The following PAH variants were observed in gnomAD, a reference collection of about 807,000 sequenced individuals.
The protein encoded by PAH is phenylalanine hydroxylase.
Under a neutral mutation model 62.0 loss-of-function variants are expected in PAH, and 64 were observed. That is an observed-to-expected ratio of 1.03 (90% CI 0.84 to 1.27). The LOEUF (loss-of-function observed/expected upper bound fraction) is 1.27. PAH is among the 50% of genes most tolerant of loss of function. The pLI is 0.00. For missense variants in PAH, 579 were observed against 542.8 expected (o/e 1.07, Z -0.66); for synonymous variants, 195 against 196.2 (o/e 0.99, Z 0.05).
At position 102,913,758 on chromosome 12, in the gene PAH, G is replaced by A; in HGVS notation, c.61-860C>T. 3 of 696,986 alleles carry A rather than the reference G, an allele frequency of 4.3e-6. No homozygotes were observed. The South Asian group carries it at 4.6e-5, about 11-fold the overall frequency. 43.2% of individuals were successfully genotyped at this position (696,986 alleles called of 1,614,324 possible). A position where few individuals can be genotyped will look rare whatever the true frequency, so the allele number is the denominator to read the frequency against. On this transcript the variant is annotated intron_variant, in intron 1 of 12. Transcript: ENST00000553106. ...AATAACCTATCAGAAAATAAACTTA[G>A]TCTTAAACTAAATCTCAAAGAATGT...
At chr12:102,958,244 C>T (rs966995792) in exon 1 of PAH, 52 of 1,469,328 alleles carry the variant, frequency 3.5e-5, no homozygotes, top group Non-Finnish European at 4.5e-5. Context: ...CGCCGCTGCG[C>T]ATGGAAAGCT....
Position 102,901,100 on chromosome 12 carries a change from A to G in PAH, c.169-6182T>C, listed in dbSNP as rs148199447. Reference sequence around the variant, plus strand: ...CTATCCTTTAAGAAAGCCTTTCTAAAGGGGGATTGGTCACAAGTAAATAAA... The same window carrying G: ...CTATCCTTTAAGAAAGCCTTTCTAAGGGGGGATTGGTCACAAGTAAATAAA... On this transcript the variant is annotated intron_variant, in intron 2 of 12. Coordinates refer to ENST00000553106, the MANE Select transcript of PAH (RefSeq NM_000277.3). Among the ~76,000 whole-genome samples, 1,209 of 152,304 alleles carry G rather than the reference A, an allele frequency of 7.9e-3. 20 individuals are homozygous for G. The highest frequency in any genetic ancestry group is 0.028 in the African/African-American group (1,156 of 41,560).
At position 102,840,317 on chromosome 12, in the gene PAH, T is replaced by G. The variant is rs1037977048; in HGVS notation, c.1315+83A>C. ...TAATTAAATATTTCAATAAATTTAT[T>G]ATTTTTCCTATGGCGATGGTAGGGA... On this transcript the variant is annotated intron_variant, in intron 12 of 12. Transcript: ENST00000553106. 29 of 861,458 alleles carry G rather than the reference T, an allele frequency of 3.4e-5. No homozygotes were observed. In the Middle Eastern group the frequency reaches 9.3e-4, roughly 28 times the overall value. 53.4% of individuals were successfully genotyped at this position (861,458 alleles called of 1,614,324 possible).
intron 3 of PAH, among the ~76,000 whole-genome samples, chr12:102,891,581 C>T (rs935181270): frequency 4.6e-5 from 7 of 152,154 alleles, no homozygotes; most frequent in African/African-American, 1.7e-4. Context: ...TGCTCTGTTC[C>T]CAGTGCTTCA....
intron 3 of PAH, among the ~76,000 whole-genome samples, chr12:102,891,652 G>A (rs1404308647): frequency 1.3e-5 from 2 of 152,138 alleles, no homozygotes; most frequent in Non-Finnish European, 2.9e-5. Flanking sequence ...TTGATACAGT[G>A]GGAGACTGCA....
chr12:102,899,858 C>CAAAAAAAAAA (rs1166069532), intron 2 of PAH, among the ~76,000 whole-genome samples: 20 of 9,538 alleles, frequency 2.1e-3, no homozygotes, highest in African/African-American at 5.0e-3. Context: ...GACTCCGTCT[C>CAAAAAAAAAA]AAAAAAAAAA....
chr12:102,913,911 C>A lies in PAH; in HGVS notation c.61-1013G>T, dbSNP rs140872441. 212 of 694,860 alleles carry A rather than the reference C, an allele frequency of 3.1e-4. 1 individual carries two copies. Among genetic ancestry groups the A allele is most frequent in the African/African-American group, 2.7e-3 (154 of 57,010 alleles). The allele number at this position is 694,860 out of a possible 1,614,324, so 43.0% of individuals were successfully genotyped here. ...ATACATAAAATTCTATGTGTGTCCA[C>A]AATAAGCAGCAGGTACCTAAAACTG... On this transcript the variant is annotated intron_variant, in intron 1 of 12. Transcript: ENST00000553106.
intron 4 of PAH, among the ~76,000 whole-genome samples, chr12:102,874,667 C>T (rs1279002000): frequency 6.6e-6 from 1 of 151,974 alleles, no homozygotes; most frequent in African/African-American, 2.4e-5. Flanking sequence ...AAAAAGAAAG[C>T]AAGGTGGGAA....
intron 8 of PAH, among the ~76,000 whole-genome samples, chr12:102,850,687 A>C (rs1029774185): frequency 1.1e-4 from 17 of 152,174 alleles, no homozygotes; most frequent in Non-Finnish European, 1.9e-4. Context: ...GCCTAGGTAC[A>C]TCAGAACACC....
intron 5 of PAH, among the ~76,000 whole-genome samples, chr12:102,865,824 C>CGGTTAAACTTAGCTCT (rs1875931891): frequency 1.3e-5 from 2 of 152,332 alleles, no homozygotes; most frequent in Non-Finnish European, 2.9e-5. Context: ...TTCTCCATCT[C>CGGTTAAACTTAGCTCT]CCTGAGATTC....
chr12:102,958,352 AGCCGCGGCGGCCGCAGCCGCC>A (rs778842860), exon 1 of PAH: 10 of 1,430,720 alleles, frequency 7.0e-6, no homozygotes, highest in Admixed American at 8.8e-5. Flanking sequence ...CCACGGCCGC[AGCCGCGGCGGCCGCAGCCGCC>A]GCAGCGGCAG....
intron 1 of PAH, among the ~76,000 whole-genome samples, chr12:102,937,478 ATTAAT>A (rs1403207823): frequency 6.6e-6 from 1 of 152,174 alleles, no homozygotes; most frequent in Non-Finnish European, 1.5e-5. Context: ...CTTATAACCT[ATTAAT>A]TTAATCCGAT....
At chr12:102,952,625 G>A (rs140030189), upstream of PAH, among the ~76,000 whole-genome samples, 3 of 152,212 alleles carry the variant, frequency 2.0e-5, no homozygotes, top group Admixed American at 6.5e-5. Context: ...AAGACTTAGC[G>A]TTACTTCTCC....
chr12:102,932,821 A>G (rs1047906744), intron 1 of PAH, among the ~76,000 whole-genome samples: 1 of 152,094 alleles, frequency 6.6e-6, no homozygotes, highest in Non-Finnish European at 1.5e-5. Context: ...TTTAATTTTT[A>G]GTTGTTGTGA....
chr12:102,840,273 A>C (rs1592945277), intron 12 of PAH, 127 bp downstream of exon 12: 1 of 691,630 alleles, frequency 1.4e-6, no homozygotes, highest in East Asian at 2.8e-5. Flanking sequence ...CATGGCTTAC[A>C]TGGAGGTGCT....
intron 9 of PAH, among the ~76,000 whole-genome samples, chr12:102,845,160 G>A (rs1162029592): frequency 1.3e-5 from 2 of 152,206 alleles, no homozygotes; most frequent in Non-Finnish European, 2.9e-5. Context: ...CATGACCTGT[G>A]ATCACGTCTC....
intron 6 of PAH, 80 bp downstream of exon 6, chr12:102,855,056 A>G (rs1875346314): frequency 8.7e-7 from 1 of 1,145,592 alleles, no homozygotes; most frequent in African/African-American, 1.5e-5. Flanking sequence ...GCCTCCACAT[A>G]CTTGTCTTCC....
chr12:102,935,430 C>T (rs1879066801), intron 1 of PAH, among the ~76,000 whole-genome samples: 1 of 151,996 alleles, frequency 6.6e-6, no homozygotes, highest in Admixed American at 6.6e-5. Context: ...GAAAGTACTC[C>T]CTTCACTTCT....
intron 11 of PAH, among the ~76,000 whole-genome samples, chr12:102,842,562 G>T (rs1216859402): frequency 6.6e-6 from 1 of 152,094 alleles, no homozygotes; most frequent in Non-Finnish European, 1.5e-5. Context: ...GCAAATGTAA[G>T]GTAAGTGAAT....
Sources: gnomAD v4.1 joint callset for allele counts (sites outside exome capture counted in the v4.1 genomes callset) on GRCh38, gnomAD v4.1.1 for gene constraint, MANE v1.5 for transcripts, NCBI Gene and HGNC (gene_info 2026-07-23, HGNC 2026-07-21) for gene names.